Variants in EEIG2 observed in about 807,000 individuals in gnomAD.
EEIG2 encodes EEIG family member 2.
the EEIG2 span, among the ~76,000 whole-genome samples, chr1:108,562,009 C>T: frequency 6.6e-6 from 1 of 152,202 alleles, no homozygotes; most frequent in African/African-American, 2.4e-5. Flanking sequence ...TCCCACAAGT[C>T]ACTTATTCTT....
chr1:108,588,864 A>C, the EEIG2 span, among the ~76,000 whole-genome samples: 1 of 151,314 alleles, frequency 6.6e-6, no homozygotes, highest in Non-Finnish European at 1.5e-5. Flanking sequence ...TTTTAATGAA[A>C]TTTTTCATCA....
the EEIG2 span, among the ~76,000 whole-genome samples, chr1:108,589,423 G>A: frequency 3.0e-4 from 45 of 152,058 alleles, no homozygotes; most frequent in African/African-American, 9.6e-4. Context: ...ATAGTAATCC[G>A]GCTTCCATCC....
chr1:108,560,782 C>T, the EEIG2 span, among the ~76,000 whole-genome samples: 1 of 152,244 alleles, frequency 6.6e-6, no homozygotes, highest in Admixed American at 6.5e-5. Flanking sequence ...ATCTGCTCTT[C>T]CCTCCCAAAT....
chr1:108,601,757 A>G, the EEIG2 span, among the ~76,000 whole-genome samples: 1 of 152,228 alleles, frequency 6.6e-6, no homozygotes, highest in Non-Finnish European at 1.5e-5. Flanking sequence ...AAACATAAAA[A>G]TGTGCTCAAT....
chr1:108,588,270 T>G, the EEIG2 span, among the ~76,000 whole-genome samples: 1 of 152,154 alleles, frequency 6.6e-6, no homozygotes, highest in Non-Finnish European at 1.5e-5. Flanking sequence ...ATTTTTTATT[T>G]TTTGAGGAAT....
chr1:108,628,092 GTC>G, the EEIG2 span: 1 of 1,257,376 alleles, frequency 8.0e-7, no homozygotes, highest in Admixed American at 1.8e-5. Context: ...AGTTTATAAA[GTC>G]TGCAGAGTAG....
chr1:108,631,547 TAAA>T, the EEIG2 span, among the ~76,000 whole-genome samples: 1 of 152,060 alleles, frequency 6.6e-6, no homozygotes, highest in Non-Finnish European at 1.5e-5. Flanking sequence ...TTTGGGAGAA[TAAA>T]AAATAAGTGG....
the EEIG2 span, among the ~76,000 whole-genome samples, chr1:108,613,432 C>T: frequency 2.0e-5 from 3 of 152,118 alleles, no homozygotes; most frequent in East Asian, 3.8e-4. Flanking sequence ...CTTATTTCCT[C>T]GTATTTCTTA....
chr1:108,628,508 G>A, the EEIG2 span: 1 of 1,614,128 alleles, frequency 6.2e-7, no homozygotes, highest in Non-Finnish European at 8.5e-7. Flanking sequence ...GCCATGTGAT[G>A]AAATTGAGCA....
chr1:108,634,827 C>T, the EEIG2 span, among the ~76,000 whole-genome samples: 2 of 152,192 alleles, frequency 1.3e-5, no homozygotes, highest in African/African-American at 4.8e-5. Flanking sequence ...GTTTGAAGAG[C>T]ATTTCTTGCC....
At chr1:108,604,736 C>G in the EEIG2 span, among the ~76,000 whole-genome samples, 2 of 151,748 alleles carry the variant, frequency 1.3e-5, no homozygotes, top group Non-Finnish European at 1.5e-5. Flanking sequence ...ATCTGAAGAG[C>G]TATTATAAAG....
chr1:108,567,757 G>T, the EEIG2 span, among the ~76,000 whole-genome samples: 3 of 152,166 alleles, frequency 2.0e-5, no homozygotes. Context: ...CAGCACTTTG[G>T]AAGACTGAAG....
the EEIG2 span, among the ~76,000 whole-genome samples, chr1:108,575,507 A>C: frequency 6.6e-6 from 1 of 152,242 alleles, no homozygotes; most frequent in South Asian, 2.1e-4. Flanking sequence ...AAAAATGTGT[A>C]CATGAATTTT....
chr1:108,607,194 T>C, the EEIG2 span, among the ~76,000 whole-genome samples: 1 of 152,216 alleles, frequency 6.6e-6, no homozygotes. Context: ...CCATTCTCTA[T>C]GTGATGACTT....
the EEIG2 span, among the ~76,000 whole-genome samples, chr1:108,565,034 T>G: frequency 3.3e-5 from 5 of 152,142 alleles, no homozygotes; most frequent in Non-Finnish European, 5.9e-5. Flanking sequence ...ATGAAGAGAT[T>G]GGAAAAATAT....
At chr1:108,593,237 C>T in the EEIG2 span, among the ~76,000 whole-genome samples, 1 of 152,160 alleles carries the variant, frequency 6.6e-6, no homozygotes, top group Non-Finnish European at 1.5e-5. Flanking sequence ...TAGAGACCCA[C>T]CTTCCTTCTG....
At chr1:108,613,556 T>G in the EEIG2 span, among the ~76,000 whole-genome samples, 5 of 152,184 alleles carry the variant, frequency 3.3e-5, no homozygotes, top group Non-Finnish European at 7.3e-5. Flanking sequence ...AGTAATTTCC[T>G]TCTGGCTTCC....
chr1:108,571,689 A>G, the EEIG2 span, among the ~76,000 whole-genome samples: 1 of 152,176 alleles, frequency 6.6e-6, no homozygotes, highest in Non-Finnish European at 1.5e-5. Context: ...TCTGGCTGCT[A>G]CTTCTTGGAG....
At chr1:108,637,574 AATTT>A in the EEIG2 span, 1 of 150,990 alleles carries the variant, frequency 6.6e-6, no homozygotes, top group Admixed American at 6.6e-5. Context: ...ATTATTAATA[AATTT>A]ATTTTTAAAT....
Sources: gnomAD v4.1 joint callset for allele counts (sites outside exome capture counted in the v4.1 genomes callset) on GRCh38, gnomAD v4.1.1 for gene constraint, MANE v1.5 for transcripts, NCBI Gene and HGNC (gene_info 2026-07-23, HGNC 2026-07-21) for gene names.